The following SPATA6L variants were observed in gnomAD, a reference collection of about 807,000 sequenced individuals.
The protein encoded by SPATA6L is spermatogenesis associated 6 like.
In SPATA6L, 68 loss-of-function variants were observed where a neutral mutation model predicts 49.2. The ratio of observed to expected loss-of-function variants is 1.38; its 90% CI spans 1.14 to 1.69. The LOEUF is 1.69. Ranked by LOEUF, SPATA6L falls within the 40% of genes most tolerant of loss-of-function variation. The pLI, the probability that SPATA6L is intolerant of heterozygous loss-of-function variation, is 0.00. For synonymous variants in SPATA6L, 198 were observed against 165.7 expected (o/e 1.19, Z -1.50); for missense variants, 668 against 464.3 (o/e 1.44, Z -4.03).
chr9:4,589,851 C>T (rs534699811), intron 13 of SPATA6L, among the ~76,000 whole-genome samples: 1 of 152,130 alleles, frequency 6.6e-6, no homozygotes, highest in African/African-American at 2.4e-5. Context: ...TCTCTGCAAT[C>T]CTAGACTTTT....
At chr9:4,630,131 T>G (rs1311229624) in intron 4 of SPATA6L, among the ~76,000 whole-genome samples, 2 of 152,062 alleles carry the variant, frequency 1.3e-5, no homozygotes, top group South Asian at 4.1e-4. Flanking sequence ...AAAAGACTAG[T>G]GCTCAGGGTG....
intron 3 of SPATA6L, 55 bp from the exon 4 acceptor site, chr9:4,635,454 C>T: frequency 6.5e-7 from 1 of 1,527,264 alleles, no homozygotes. Context: ...CCAGGCTTAA[C>T]AAAATAAAAG....
chr9:4,606,628 C>T (rs1475662223), intron 9 of SPATA6L, among the ~76,000 whole-genome samples: 2 of 49,672 alleles, frequency 4.0e-5, no homozygotes, highest in Admixed American at 5.1e-4. Flanking sequence ...GACATCCACA[C>T]CAAAAACCCA....
intron 11 of SPATA6L, among the ~76,000 whole-genome samples, chr9:4,602,977 G>T (rs1379502281): frequency 1.3e-5 from 2 of 152,166 alleles, no homozygotes; most frequent in African/African-American, 4.8e-5. Flanking sequence ...ATGTCATAAG[G>T]AAGAGCGATT....
At chr9:4,622,241 C>T (rs1197176057) in intron 7 of SPATA6L, among the ~76,000 whole-genome samples, 167 bp downstream of exon 7, 1 of 152,202 alleles carries the variant, frequency 6.6e-6, no homozygotes, top group Non-Finnish European at 1.5e-5. Context: ...TCTCAGCTGA[C>T]GCTGCTTCAT....
chr9:4,591,514 C>T (rs187568573), intron 13 of SPATA6L, among the ~76,000 whole-genome samples: 68 of 152,322 alleles, frequency 4.5e-4, no homozygotes, highest in African/African-American at 1.6e-3. Context: ...TACCAGTCGG[C>T]GATAGAGGGA....
intron 3 of SPATA6L, among the ~76,000 whole-genome samples, chr9:4,644,552 T>A (rs1834855355): frequency 6.6e-6 from 1 of 152,084 alleles, no homozygotes; most frequent in African/African-American, 2.4e-5. Context: ...GATGTGGGAA[T>A]GCTTTTTACA....
chr9:4,642,974 G>T (rs367860047), intron 3 of SPATA6L, among the ~76,000 whole-genome samples: 24 of 152,230 alleles, frequency 1.6e-4, no homozygotes, highest in East Asian at 1.5e-3. Flanking sequence ...ACATCTAAAA[G>T]GGAGATAGAT....
chr9:4,660,433 A>G (rs1043713828), intron 2 of SPATA6L, among the ~76,000 whole-genome samples: 108 of 152,322 alleles, frequency 7.1e-4, no homozygotes, highest in African/African-American at 2.2e-3. Context: ...ATGAAAAAAT[A>G]CTCATCATCA....
intron 9 of SPATA6L, among the ~76,000 whole-genome samples, chr9:4,609,289 C>G (rs1444158408): frequency 6.6e-6 from 1 of 151,642 alleles, no homozygotes; most frequent in Admixed American, 6.6e-5. Flanking sequence ...CTCCCTAACT[C>G]ATTTTATGAG....
Position 4,650,824 on chromosome 9 carries a change from T to TTGTGTG in SPATA6L, c.226+5211_226+5216dup, listed in dbSNP as rs59184426. Among the ~76,000 whole-genome samples the TTGTGTG allele has an allele frequency of 1.1e-3, 157 of 137,140 alleles. 1 individual carries two copies. Among genetic ancestry groups the TTGTGTG allele is most frequent in the East Asian group, 2.1e-3 (10 of 4,746 alleles). 90.0% of individuals were successfully genotyped at this position (137,140 alleles called of 152,430 possible). ...ACAGGCAAGCACCACCAAACCCAGC[T>TTGTGTG]TGTGTGTGTGTGTGTGTGTGTGTGT... On this transcript the variant is annotated intron_variant, in intron 3 of 11. Coordinates refer to ENST00000682582, the MANE Select transcript of SPATA6L (RefSeq NM_001353486.2).
At chr9:4,588,917 G>C (rs923934936) in exon 14 of SPATA6L, 1 of 152,230 alleles carries the variant, frequency 6.6e-6, no homozygotes, top group African/African-American at 2.4e-5. Context: ...CAGGCAGTAG[G>C]CCAGCTGCAG....
At chr9:4,628,197 CA>C (rs896593210) in intron 5 of SPATA6L, 6 of 191,038 alleles carry the variant, frequency 3.1e-5, no homozygotes, top group African/African-American at 1.4e-4. Flanking sequence ...GATAGAACAA[CA>C]GGGTGACTAT....
downstream of SPATA6L, among the ~76,000 whole-genome samples, chr9:4,594,271 G>A (rs301442): frequency 0.079 from 12,011 of 152,144 alleles, 1,025 homozygotes; most frequent in East Asian, 0.21. Flanking sequence ...GTGCAGTGGC[G>A]CGAACTCAGC....
At chr9:4,651,997 A>G (rs993714655) in intron 3 of SPATA6L, among the ~76,000 whole-genome samples, 5 of 152,236 alleles carry the variant, frequency 3.3e-5, no homozygotes, top group African/African-American at 1.2e-4. Context: ...ACTATAAAAG[A>G]AGAAGTAAAG....
At chr9:4,636,112 C>CTTT (rs143583775) in intron 3 of SPATA6L, among the ~76,000 whole-genome samples, 2,362 of 148,214 alleles carry the variant, frequency 0.016, 63 homozygotes, top group African/African-American at 0.054. Context: ...AACACAAAGC[C>CTTT]TTTTTTTTTT....
At chr9:4,619,035 T>TA (rs1828658460) in intron 7 of SPATA6L, 137 bp from the exon 8 acceptor site, 14 of 706,810 alleles carry the variant, frequency 2.0e-5, no homozygotes, top group African/African-American at 3.6e-5. Flanking sequence ...TGCTCCCTTG[T>TA]AAGTTACACT....
Position 4,663,421 on chromosome 9 carries a change from G to T in SPATA6L, c.40-1385C>A, listed in dbSNP as rs1181773490. The T allele has an allele frequency of 2.9e-5, 23 of 784,706 alleles. No homozygotes were observed. The East Asian group carries it at 5.7e-4, about 19-fold the overall frequency. The allele number at this position is 784,706 out of a possible 1,614,324, so 48.6% of individuals were successfully genotyped here. ...GATCTTGATGTGCTGCTAGGCTGGA[G>T]CACACACTGGCCATTACTGAACACA... On this transcript the variant is annotated intron_variant, in intron 1 of 11. Transcript: ENST00000682582.
chr9:4,626,702 G>GATATATCA, intron 5 of SPATA6L: 1 of 558,542 alleles, frequency 1.8e-6, no homozygotes. Flanking sequence ...TTTCCTGACT[G>GATATATCA]GACCCTGGCT....
Sources: allele counts gnomAD v4.1 joint callset (sites outside exome capture counted in the v4.1 genomes callset), GRCh38; gene constraint gnomAD v4.1.1; transcripts MANE v1.5; gene names NCBI Gene and HGNC (gene_info 2026-07-23, HGNC 2026-07-21).